Variants in LRPPRC observed in about 807,000 individuals in gnomAD.
LRPPRC encodes leucine rich pentatricopeptide repeat containing.
LRPPRC carries 120 observed loss-of-function variants against 180.3 expected under a neutral mutation model. The observed-to-expected ratio is 0.67, with a 90% CI of 0.57 to 0.77. The LOEUF (loss-of-function observed/expected upper bound fraction) is 0.77, where lower values mean the gene tolerates loss of function less well. Among genes scored for constraint, LRPPRC ranks in the 30% least tolerant of loss-of-function variants. The probability of loss-of-function intolerance (pLI) is 0.00; values close to 1 mark genes in which losing one functional copy is unlikely to be tolerated. For missense variants in LRPPRC, 2,012 were observed against 1,657.2 expected, an observed-to-expected ratio of 1.21 and a Z score of -3.72; for synonymous variants, 723 against 600.0, an observed-to-expected ratio of 1.21 and a Z score of -3.00.
intron 30 of LRPPRC, among the ~76,000 whole-genome samples, chr2:43,910,077 T>C (rs1031435585): frequency 3.3e-5 from 5 of 152,318 alleles, no homozygotes; most frequent in South Asian, 2.1e-4. Context: ...TACTATTTCA[T>C]TGAAACAATG....
chr2:43,948,742 T>C (rs558213646), intron 16 of LRPPRC, among the ~76,000 whole-genome samples: 10 of 152,148 alleles, frequency 6.6e-5, no homozygotes, highest in Non-Finnish European at 1.5e-4. Context: ...GTGACAGCTT[T>C]TCAGTACTGA....
chr2:43,907,897 T>C (rs1312980022), intron 30 of LRPPRC, among the ~76,000 whole-genome samples: 1 of 152,208 alleles, frequency 6.6e-6, no homozygotes, highest in Non-Finnish European at 1.5e-5. Flanking sequence ...CTTATGGTTT[T>C]AATGGATTAA....
At chr2:43,995,552 G>C (rs1051143932) in intron 1 of LRPPRC, among the ~76,000 whole-genome samples, 1 of 152,220 alleles carries the variant, frequency 6.6e-6, no homozygotes, top group Non-Finnish European at 1.5e-5. Flanking sequence ...TAAGGTCCAG[G>C]CTGAAGTGGC....
chr2:43,960,475 C>G lies in LRPPRC; in HGVS notation c.1582+66G>C, dbSNP rs1158642922. Reference sequence around the variant, plus strand: ...CCTTGCTTTCATTGCGTGAACCACCCTGCATGCCCTCAATAGTAACTGAAA... The same window carrying G: ...CCTTGCTTTCATTGCGTGAACCACCGTGCATGCCCTCAATAGTAACTGAAA... On this transcript the variant is annotated intron_variant, in intron 13 of 37. Transcript: ENST00000260665. 4.5e-6 allele frequency: 4 copies of G among 886,442 alleles called. No individual in the cohort carries two copies. The South Asian group carries it at 5.2e-5, about 12-fold the overall frequency. 54.9% of individuals were successfully genotyped at this position (886,442 alleles called of 1,614,324 possible). A position where few individuals can be genotyped will look rare whatever the true frequency, so the allele number is the denominator to read the frequency against.
intron 3 of LRPPRC, among the ~76,000 whole-genome samples, 159 bp downstream of exon 3, chr2:43,979,667 A>C (rs1045030141): frequency 1.3e-5 from 2 of 152,180 alleles, no homozygotes; most frequent in Non-Finnish European, 2.9e-5. Context: ...ATGACCCTAG[A>C]TGTCACTATA....
Position 43,982,375 on chromosome 2 carries a change from T to C in LRPPRC, c.209A>G (p.Glu70Gly). 6.2e-7 allele frequency: 1 copy of C among 1,613,974 alleles called. No homozygotes were observed. Among genetic ancestry groups the C allele is most frequent in the South Asian group, 1.1e-5 (1 of 91,074 alleles). Residue 70 changes from glutamate (E) to glycine (G), a missense_variant, in exon 2 of 38, where the codon GAG becomes GGG. Coordinates refer to ENST00000260665, the MANE Select transcript of LRPPRC (RefSeq NM_133259.4). Reference protein sequence around the residue: ...AIAAKEKDIQEESTFSSRKIS... With the variant: ...AIAAKEKDIQGESTFSSRKIS... ...CTTCCTAGAAGAAAAAGTGGACTCC[T>C]CTTGAATATCTTTTTCTTTGGCAGC... is the stretch of plus-strand genomic sequence containing the variant.
At position 43,974,368 on chromosome 2, in the gene LRPPRC, A is replaced by C. The variant is rs186724842; in HGVS notation, c.1010-73T>G. ...TTTACACTGCAACCAATGTTCCAAT[A>C]CTGAAGACAAAATAAGAATTGCAAA... On this transcript the variant is annotated intron_variant, in intron 8 of 37. Transcript: ENST00000260665. 6.0e-5 allele frequency: 67 copies of C among 1,124,290 alleles called. No individual in the cohort carries two copies. The African/African-American group carries it at 8.8e-4, about 15-fold the overall frequency. 69.6% of individuals were successfully genotyped at this position (1,124,290 alleles called of 1,614,324 possible). A position where few individuals can be genotyped will look rare whatever the true frequency, so the allele number is the denominator to read the frequency against.
intron 11 of LRPPRC, among the ~76,000 whole-genome samples, chr2:43,969,481 G>A (rs749264477): frequency 1.6e-4 from 24 of 151,350 alleles, no homozygotes; most frequent in Non-Finnish European, 2.9e-4. Context: ...AAATGCTAAA[G>A]CCTACATGTT....
chr2:43,901,420 T>C lies in LRPPRC; in HGVS notation c.3469A>G (p.Asn1157Asp). 1 of 1,613,820 alleles carries C rather than the reference T, an allele frequency of 6.2e-7. No individual in the cohort carries two copies. Among genetic ancestry groups the C allele is most frequent in the Non-Finnish European group, 8.5e-7 (1 of 1,179,662 alleles). Residue 1157 changes from asparagine to aspartate, a missense_variant, in exon 32 of 38, where the codon AAC (asparagine) becomes GAC (aspartate). Coordinates refer to ENST00000260665, the MANE Select transcript of LRPPRC (RefSeq NM_133259.4). ...QALAMKGDVENIEVVQKMLNG... is the reference protein window; with the variant it reads ...QALAMKGDVEDIEVVQKMLNG... ...AACATCTTCTGAACTACTTCTATGT[T>C]TTCAACATCACCCTTCATGGCCAAT...
chr2:43,889,887 GA>G lies in LRPPRC; in HGVS notation c.3986-12del, dbSNP rs754296354. The G allele has an allele frequency of 5.7e-6, 9 of 1,590,294 alleles. No individual in the cohort carries two copies. The highest frequency in any genetic ancestry group is 1.7e-4 in the Middle Eastern group (1 of 6,048). The stretch of plus-strand genomic sequence containing the variant: ...CATCTTTCTCTGAGACTGACATAAA[GA>G]AAAAAATATATTAATCAGAGATAAA... On this transcript the variant is annotated splice_polypyrimidine_tract_variant and intron_variant, in intron 36 of 37. Coordinates refer to ENST00000260665, the MANE Select transcript of LRPPRC (RefSeq NM_133259.4).
Position 43,925,088 on chromosome 2 carries a change from A to T in LRPPRC, c.2875T>A (p.Tyr959Asn). 6.3e-7 allele frequency: 1 copy of T among 1,576,840 alleles called. No individual in the cohort carries two copies. Among genetic ancestry groups the T allele is most frequent in the Non-Finnish European group, 8.7e-7 (1 of 1,146,086 alleles). The change falls in exon 27 of 38, where the codon TAC becomes AAC. Residue 959 changes from tyrosine (Y) to asparagine (N), a missense_variant. Coordinates refer to ENST00000260665, the MANE Select transcript of LRPPRC (RefSeq NM_133259.4). Reference sequence around the variant, plus strand: ...TTACTATACAGTTTTAGCAGATTGTAGTACATCTGGTCTCTATCACATTCA... The same window carrying T: ...TTACTATACAGTTTTAGCAGATTGTTGTACATCTGGTCTCTATCACATTCA... ...LFECDRDQMY[Y>N]NLLKLYKING... is the part of the protein sequence containing the mutation.
At chr2:43,927,199 G>T (rs1048114452) in intron 25 of LRPPRC, among the ~76,000 whole-genome samples, 2 of 152,188 alleles carry the variant, frequency 1.3e-5, no homozygotes, top group African/African-American at 2.4e-5. Context: ...GTCTAGAGGA[G>T]GTATCTTTAC....
chr2:43,983,034 G>A (rs1484880388), intron 1 of LRPPRC, among the ~76,000 whole-genome samples: 2 of 151,728 alleles, frequency 1.3e-5, no homozygotes, highest in Non-Finnish European at 2.9e-5. Flanking sequence ...TATCTGCTGT[G>A]CAACTGTCAA....
At chr2:43,933,810 T>C (rs1672176599) in intron 25 of LRPPRC, among the ~76,000 whole-genome samples, 1 of 152,300 alleles carries the variant, frequency 6.6e-6, no homozygotes, top group South Asian at 2.1e-4. Flanking sequence ...TTGAGCATGG[T>C]CTGCAGCAAA....
chr2:43,934,675 T>C (rs1672208426), intron 24 of LRPPRC, 79 bp downstream of exon 24: 14 of 1,314,492 alleles, frequency 1.1e-5, no homozygotes, highest in Non-Finnish European at 1.5e-5. Flanking sequence ...CTTCTGCTGG[T>C]TTCTCTTAAC....
intron 25 of LRPPRC, among the ~76,000 whole-genome samples, chr2:43,932,737 G>C (rs1349270576): frequency 6.6e-6 from 1 of 152,190 alleles, no homozygotes; most frequent in Non-Finnish European, 1.5e-5. Context: ...TACATTATGT[G>C]ATTGAATCTT....
chr2:43,975,282 A>G, intron 6 of LRPPRC, 65 bp from the exon 7 acceptor site: 2 of 1,371,508 alleles, frequency 1.5e-6, no homozygotes, highest in Non-Finnish European at 2.0e-6. Context: ...TATTCAAACT[A>G]AAACATATGC....
At chr2:43,958,490 A>G (rs1166521402) in intron 13 of LRPPRC, among the ~76,000 whole-genome samples, 7 of 152,324 alleles carry the variant, frequency 4.6e-5, no homozygotes, top group South Asian at 2.1e-4. Flanking sequence ...ATTGTTTTAG[A>G]TCAGCTGCTA....
At chr2:43,951,300 G>A (rs930678509) in intron 14 of LRPPRC, among the ~76,000 whole-genome samples, 3 of 152,094 alleles carry the variant, frequency 2.0e-5, no homozygotes, top group African/African-American at 7.2e-5. Context: ...TTTTGGTTAG[G>A]CTACAAAGAG....
Sources: allele counts gnomAD v4.1 joint callset (sites outside exome capture counted in the v4.1 genomes callset), GRCh38; gene constraint gnomAD v4.1.1; transcripts MANE v1.5; gene names NCBI Gene and HGNC (gene_info 2026-07-23, HGNC 2026-07-21).